SNX3: variants seen among roughly 807,000 people sequenced by gnomAD.
SNX3 encodes sorting nexin-3.
Under a neutral mutation model 17.7 loss-of-function variants are expected in SNX3, and 5 were observed. That is an observed-to-expected ratio of 0.28 (90% CI 0.15 to 0.59). SNX3 has a LOEUF of 0.59. SNX3 is among the 20% of genes least tolerant of loss of function. The pLI is 0.88. For missense variants in SNX3, 132 were observed against 206.8 expected (o/e 0.64, Z 2.22); for synonymous variants, 91 against 76.5 (o/e 1.19, Z -0.99).
At chr6:108,215,715 C>T (rs370756714) in intron 2 of SNX3, among the ~76,000 whole-genome samples, 11 of 152,102 alleles carry the variant, frequency 7.2e-5, no homozygotes, top group African/African-American at 2.2e-4. Flanking sequence ...CCAAGGCAGG[C>T]GGGAGGATTG....
At chr6:108,212,608 G>C (rs1471870614) in intron 3 of SNX3, among the ~76,000 whole-genome samples, 5 of 152,148 alleles carry the variant, frequency 3.3e-5, no homozygotes, top group Admixed American at 6.5e-5. Flanking sequence ...AAAGTGCTGG[G>C]ATTACAGGCG....
At chr6:108,217,818 G>A (rs1177003637) in intron 2 of SNX3, among the ~76,000 whole-genome samples, 1 of 151,952 alleles carries the variant, frequency 6.6e-6, no homozygotes, top group African/African-American at 2.4e-5. Flanking sequence ...CGTGCATGTG[G>A]GGTGAGAAAT....
chr6:108,256,911 T>C (rs1248087795), intron 1 of SNX3, among the ~76,000 whole-genome samples: 1 of 152,200 alleles, frequency 6.6e-6, no homozygotes, highest in Non-Finnish European at 1.5e-5. Flanking sequence ...GTAATTATTT[T>C]CAAAAGCCCA....
chr6:108,218,505 A>C (rs1774656450), intron 2 of SNX3, among the ~76,000 whole-genome samples: 1 of 152,246 alleles, frequency 6.6e-6, no homozygotes, highest in African/African-American at 2.4e-5. Flanking sequence ...ATGACCCAGC[A>C]ATGTACTGGT....
At chr6:108,255,953 G>A (rs1776015673) in intron 1 of SNX3, among the ~76,000 whole-genome samples, 1 of 152,202 alleles carries the variant, frequency 6.6e-6, no homozygotes, top group Admixed American at 6.5e-5. Context: ...TTTGGAGCCT[G>A]GCATGGTGGC....
intron 1 of SNX3, among the ~76,000 whole-genome samples, chr6:108,244,271 T>A (rs574541117): frequency 6.6e-6 from 1 of 152,066 alleles, no homozygotes; most frequent in East Asian, 1.9e-4. Context: ...TCCTCCCACC[T>A]CAGTCTCCCG....
intron 1 of SNX3, among the ~76,000 whole-genome samples, chr6:108,257,099 C>T (rs944246258): frequency 2.6e-5 from 4 of 152,188 alleles, no homozygotes; most frequent in African/African-American, 7.2e-5. Context: ...CAGAATGAGA[C>T]AGTAACTGTA....
At chr6:108,260,614 C>A in intron 1 of SNX3, 146 bp downstream of exon 1, 1 of 848,396 alleles carries the variant, frequency 1.2e-6, no homozygotes, top group East Asian at 2.9e-5. Flanking sequence ...GAAGAGGGGC[C>A]CTGGCTCACG....
chr6:108,228,904 T>C (rs765045951), intron 1 of SNX3, among the ~76,000 whole-genome samples: 12 of 152,148 alleles, frequency 7.9e-5, no homozygotes, highest in Non-Finnish European at 1.5e-4. Flanking sequence ...ATTACACAGC[T>C]TTTTACAAAA....
intron 1 of SNX3, among the ~76,000 whole-genome samples, chr6:108,259,641 C>T (rs1291753316): frequency 2.6e-5 from 4 of 152,166 alleles, no homozygotes; most frequent in African/African-American, 7.2e-5. Context: ...ATGCTAACTA[C>T]GTAAGAATCA....
chr6:108,215,153 T>TC (rs1774528301), intron 2 of SNX3, among the ~76,000 whole-genome samples: 1 of 151,406 alleles, frequency 6.6e-6, no homozygotes, highest in African/African-American at 2.4e-5. Context: ...ATCGAGACCA[T>TC]CCTGGCTAAC....
At chr6:108,224,131 A>G (rs1356348874) in intron 1 of SNX3, among the ~76,000 whole-genome samples, 1 of 152,106 alleles carries the variant, frequency 6.6e-6, no homozygotes, top group African/African-American at 2.4e-5. Context: ...CCGTTGATGT[A>G]GAAGTTCTTT....
chr6:108,236,394 T>A (rs1582491334), intron 1 of SNX3, among the ~76,000 whole-genome samples: 1 of 145,606 alleles, frequency 6.9e-6, no homozygotes, highest in African/African-American at 2.5e-5. Flanking sequence ...TTTTTTTTTT[T>A]TTTTTTTGAG....
chr6:108,211,815 C>T lies in SNX3; in HGVS notation c.*334G>A, dbSNP rs1774413030. The T allele has an allele frequency of 5.3e-6, 1 of 188,196 alleles. No homozygotes were observed. The highest frequency in any genetic ancestry group is 1.7e-4 in the East Asian group (1 of 5,954). 11.7% of individuals were successfully genotyped at this position (188,196 alleles called of 1,614,324 possible). ...TAGTTAATCAGATGCAAGAAGCAAA[C>T]AAGACGCAAAAACTGTGCAAATAAG... On this transcript the variant is annotated 3_prime_UTR_variant, in exon 4 of 4. Transcript: ENST00000230085.
At chr6:108,213,130 C>T (rs1014551641) in intron 3 of SNX3, among the ~76,000 whole-genome samples, 1 of 151,760 alleles carries the variant, frequency 6.6e-6, no homozygotes, top group Non-Finnish European at 1.5e-5. Context: ...CTCAAGTGAT[C>T]TGCCCACCTC....
chr6:108,243,756 A>ATCTCCGTCTC (rs1775598127), intron 1 of SNX3, among the ~76,000 whole-genome samples: 1 of 152,104 alleles, frequency 6.6e-6, no homozygotes, highest in South Asian at 2.1e-4. Flanking sequence ...AACATGGTGA[A>ATCTCCGTCTC]TCTCCGTCTC....
chr6:108,225,645 C>CA lies in SNX3; in HGVS notation c.163-2601dup, dbSNP rs764073482. Among the ~76,000 whole-genome samples, 13 of 151,020 alleles carry CA rather than the reference C, an allele frequency of 8.6e-5. No individual in the cohort carries two copies. The South Asian group carries it at 2.1e-3, about 24-fold the overall frequency. ...AGACTCTGACTCAAACAAAACAAAA[C>CA]AAAAAAAAGATGCTACCAAATCCAA... On this transcript the variant is annotated intron_variant, in intron 1 of 3. Transcript: ENST00000230085.
intron 1 of SNX3, among the ~76,000 whole-genome samples, chr6:108,237,736 C>A (rs1200160826): frequency 6.6e-6 from 1 of 151,314 alleles, no homozygotes; most frequent in Non-Finnish European, 1.5e-5. Context: ...TTGCAGTGAG[C>A]TGAGATCGTG....
At chr6:108,224,667 A>T (rs527556350) in intron 1 of SNX3, among the ~76,000 whole-genome samples, 1 of 152,334 alleles carries the variant, frequency 6.6e-6, no homozygotes, top group East Asian at 1.9e-4. Flanking sequence ...ATAAAACATT[A>T]TTCTTAATGG....
Sources: allele counts gnomAD v4.1 joint callset (sites outside exome capture counted in the v4.1 genomes callset), GRCh38; gene constraint gnomAD v4.1.1; transcripts MANE v1.5; gene names NCBI Gene and HGNC (gene_info 2026-07-23, HGNC 2026-07-21).